Variants in SLC7A8 observed in about 807,000 individuals in gnomAD.
The protein encoded by SLC7A8 is solute carrier family 7 member 8, also known as large neutral amino acids transporter small subunit 2.
SLC7A8 carries 30 observed loss-of-function variants against 51.2 expected under a neutral mutation model. The ratio of observed to expected loss-of-function variants is 0.59; its 90% CI spans 0.44 to 0.80. SLC7A8 has a LOEUF of 0.80. SLC7A8 is among the 30% of genes least tolerant of loss of function. SLC7A8 has a pLI of 0.00. For missense variants in SLC7A8, 612 were observed against 674.4 expected (o/e 0.91, Z 1.03); for synonymous variants, 257 against 275.8 (o/e 0.93, Z 0.67).
At chr14:23,182,615 C>A in intron 1 of SLC7A8, 149 bp downstream of exon 1, 1 of 768,238 alleles carries the variant, frequency 1.3e-6, no homozygotes, top group African/African-American at 1.8e-5. Flanking sequence ...GCCTCTCAAA[C>A]TTGACCAGTG....
intron 1 of SLC7A8, among the ~76,000 whole-genome samples, chr14:23,171,071 T>C (rs2048973283): frequency 6.6e-6 from 1 of 152,198 alleles, no homozygotes; most frequent in African/African-American, 2.4e-5. Flanking sequence ...AGTTGATTAC[T>C]GTGGGTTTTT....
intron 3 of SLC7A8, among the ~76,000 whole-genome samples, chr14:23,160,830 T>C (rs563674789): frequency 3.7e-4 from 56 of 152,146 alleles, no homozygotes; most frequent in African/African-American, 1.3e-3. Context: ...ACAAAAGGTA[T>C]CAAAACCAAG....
chr14:23,130,657 C>T (rs764753978), intron 8 of SLC7A8, among the ~76,000 whole-genome samples: 4 of 152,220 alleles, frequency 2.6e-5, no homozygotes, highest in Non-Finnish European at 4.4e-5. Context: ...CCACCTTCGA[C>T]AACCAACCAG....
chr14:23,162,048 G>A (rs761876), intron 3 of SLC7A8, among the ~76,000 whole-genome samples: 141,199 of 149,690 alleles, frequency 0.94, 67,210 homozygotes, highest in East Asian at 1. Context: ...TTCAAAAAAA[G>A]AAGAGAGGAT....
At chr14:23,134,457 A>AAG (rs1329432860) in intron 7 of SLC7A8, among the ~76,000 whole-genome samples, 1 of 150,860 alleles carries the variant, frequency 6.6e-6, no homozygotes, top group Admixed American at 6.6e-5. Context: ...AAAAAAAAAA[A>AAG]AAAGAAAAGA....
intron 1 of SLC7A8, among the ~76,000 whole-genome samples, chr14:23,182,172 C>G (rs1477594653): frequency 1.3e-5 from 2 of 152,226 alleles, no homozygotes; most frequent in Non-Finnish European, 2.9e-5. Context: ...TCTGTCCCCT[C>G]TTTTCTTCCA....
chr14:23,149,091 G>A (rs1328626206), intron 3 of SLC7A8, among the ~76,000 whole-genome samples: 1 of 152,208 alleles, frequency 6.6e-6, no homozygotes, highest in Admixed American at 6.5e-5. Context: ...GGTAGTGAAG[G>A]TGAGGTCACT....
intron 1 of SLC7A8, among the ~76,000 whole-genome samples, chr14:23,182,525 C>T (rs370401369): frequency 3.9e-5 from 6 of 152,096 alleles, no homozygotes; most frequent in Middle Eastern, 3.2e-3. Context: ...GGGTTTCTGA[C>T]CACGATTTGC....
chr14:23,127,838 C>A (rs567999232), intron 10 of SLC7A8, among the ~76,000 whole-genome samples, 181 bp downstream of exon 10: 5 of 152,260 alleles, frequency 3.3e-5, no homozygotes, highest in Admixed American at 2.6e-4. Flanking sequence ...CTGTTCTCTA[C>A]CCTCAGAGGT....
intron 3 of SLC7A8, among the ~76,000 whole-genome samples, chr14:23,156,907 A>G (rs1179200396): frequency 6.6e-6 from 1 of 152,238 alleles, no homozygotes; most frequent in African/African-American, 2.4e-5. Context: ...AAGAGACACT[A>G]TGGGAATCAG....
intron 3 of SLC7A8, among the ~76,000 whole-genome samples, chr14:23,156,617 G>A (rs1314353519): frequency 6.6e-6 from 1 of 152,174 alleles, no homozygotes; most frequent in Non-Finnish European, 1.5e-5. Flanking sequence ...TGGCTCCTCT[G>A]AGAAAAACAA....
intron 8 of SLC7A8, among the ~76,000 whole-genome samples, chr14:23,130,629 G>C (rs1265382533): frequency 6.6e-6 from 1 of 152,194 alleles, no homozygotes; most frequent in East Asian, 1.9e-4. Flanking sequence ...GGCCCACTGG[G>C]AGTACTGTCT....
chr14:23,146,186 A>G (rs2048792218), intron 3 of SLC7A8, among the ~76,000 whole-genome samples: 1 of 152,226 alleles, frequency 6.6e-6, no homozygotes, highest in Non-Finnish European at 1.5e-5. Flanking sequence ...GGAGATTGAT[A>G]AAAGGAAGGA....
chr14:23,151,211 G>A (rs2048843955), intron 3 of SLC7A8, among the ~76,000 whole-genome samples: 1 of 152,182 alleles, frequency 6.6e-6, no homozygotes, highest in African/African-American at 2.4e-5. Flanking sequence ...GGTGGCTGGT[G>A]TGGCCTTGAG....
intron 1 of SLC7A8, among the ~76,000 whole-genome samples, chr14:23,176,768 C>G (rs1426235306): frequency 9.9e-5 from 15 of 151,746 alleles, no homozygotes; most frequent in Admixed American, 9.2e-4. Flanking sequence ...ATGGTGAAAC[C>G]CTGTCTTCAC....
chr14:23,151,884 C>T (rs1232203771), intron 3 of SLC7A8, among the ~76,000 whole-genome samples: 1 of 151,362 alleles, frequency 6.6e-6, no homozygotes, highest in Non-Finnish European at 1.5e-5. Flanking sequence ...GCCAATATAG[C>T]AAAACCCTGT....
At chr14:23,145,517 A>G (rs1263239057) in intron 3 of SLC7A8, among the ~76,000 whole-genome samples, 1 of 128,538 alleles carries the variant, frequency 7.8e-6, no homozygotes, top group Non-Finnish European at 1.6e-5. Context: ...ACAGAGCTAG[A>G]CCACATCTCA....
chr14:23,164,633 C>A (rs1443548078), intron 3 of SLC7A8, among the ~76,000 whole-genome samples: 1 of 150,308 alleles, frequency 6.7e-6, no homozygotes, highest in Non-Finnish European at 1.5e-5. Context: ...TAACACCAGA[C>A]AATTGTATGC....
At position 23,129,903 on chromosome 14, in the gene SLC7A8, A is replaced by G. The variant is rs1448979205; in HGVS notation, c.1114-104T>C. On this transcript the variant is annotated intron_variant, in intron 8 of 10. Transcript: ENST00000316902. ...GCCTCCAGGCAGATGATGCCATCGT[A>G]TAATGGATGTCTCGAAATGGAGACT... The G allele has an allele frequency of 3.9e-6, 5 of 1,276,244 alleles. No individual in the cohort carries two copies. The African/African-American group carries it at 7.5e-5, about 19-fold the overall frequency. The allele number at this position is 1,276,244 out of a possible 1,614,324, so 79.1% of individuals were successfully genotyped here.
Sources: allele counts gnomAD v4.1 joint callset (sites outside exome capture counted in the v4.1 genomes callset), GRCh38; gene constraint gnomAD v4.1.1; transcripts MANE v1.5; gene names NCBI Gene and HGNC (gene_info 2026-07-23, HGNC 2026-07-21).